SNAPC3: variants seen among roughly 807,000 people sequenced by gnomAD.
SNAPC3 encodes the protein small nuclear RNA activating complex polypeptide 3.
A neutral mutation model predicts 47.7 loss-of-function variants in SNAPC3; 56 were observed. The observed-to-expected ratio is 1.18, with a 90% CI of 0.95 to 1.47. The LOEUF (loss-of-function observed/expected upper bound fraction) is 1.47. SNAPC3 is among the 40% of genes most tolerant of loss of function. The pLI, the probability that SNAPC3 is intolerant of heterozygous loss-of-function variation, is 0.00. For synonymous variants in SNAPC3, 235 were observed against 189.9 expected (o/e 1.24, Z -1.95); for missense variants, 665 against 511.3 (o/e 1.30, Z -2.90).
intron 3 of SNAPC3, among the ~76,000 whole-genome samples, chr9:15,442,445 C>T (rs141374385): frequency 0.038 from 5,761 of 151,560 alleles, 375 homozygotes; most frequent in African/African-American, 0.13. Flanking sequence ...GGCCTCCTCA[C>T]TTCTCAGACG....
At chr9:15,449,550 TA>T (rs2034210811) in intron 5 of SNAPC3, among the ~76,000 whole-genome samples, 5 of 35,684 alleles carry the variant, frequency 1.4e-4, no homozygotes, top group East Asian at 7.0e-4. Context: ...TATATATATA[TA>T]TATATATATA....
At position 15,460,795 on chromosome 9, in the gene SNAPC3, A is replaced by G. The variant is rs1163884899; in HGVS notation, c.*929A>G. 1 of 152,256 alleles carries G rather than the reference A, an allele frequency of 6.6e-6. No homozygotes were observed. Among genetic ancestry groups the G allele is most frequent in the Admixed American group, 6.5e-5 (1 of 15,290 alleles). The allele number at this position is 152,256 out of a possible 1,614,324, so 9.4% of individuals were successfully genotyped here. ...GTTAATAAGACTATGTGAATAATGA[A>G]TTTAAAAAGATCTTGAGTATATACT... On this transcript the variant is annotated 3_prime_UTR_variant, in exon 9 of 9. Coordinates refer to ENST00000380821, the MANE Select transcript of SNAPC3 (RefSeq NM_001039697.2).
intron 5 of SNAPC3, among the ~76,000 whole-genome samples, chr9:15,450,422 C>T (rs2034301272): frequency 6.6e-6 from 1 of 152,160 alleles, no homozygotes; most frequent in African/African-American, 2.4e-5. Flanking sequence ...AACATATCTC[C>T]TATACATAAA....
chr9:15,459,603 A>T (rs998330460), intron 8 of SNAPC3, 116 bp from the exon 9 acceptor site: 2 of 795,568 alleles, frequency 2.5e-6, no homozygotes, highest in African/African-American at 3.4e-5. Context: ...TTATGCATTA[A>T]TAACAGACTG....
intron 7 of SNAPC3, among the ~76,000 whole-genome samples, chr9:15,456,315 C>T (rs1241853854): frequency 7.3e-5 from 11 of 151,698 alleles, no homozygotes; most frequent in Admixed American, 1.3e-4. Context: ...TGGCCTTTTC[C>T]GTACATTTCT....
Position 15,453,096 on chromosome 9 carries a change from G to A in SNAPC3, c.871G>A (p.Ala291Thr), listed in dbSNP as rs1182179547. 1.2e-6 allele frequency: 2 copies of A among 1,613,356 alleles called. No homozygotes were observed. The highest frequency in any genetic ancestry group is 1.7e-6 in the Non-Finnish European group (2 of 1,179,406). ...TAGAGGCTATGGAAAGTTTCAGACT[G>A]CTAGAATGGAAGATTTCACCTTCAA... Reference protein sequence around the residue: ...HDRGYGKFQTARMEDFTFNDL... With the variant: ...HDRGYGKFQTTRMEDFTFNDL... Residue 291 changes from alanine (A) to threonine (T), a missense_variant, in exon 7 of 9, where the codon GCT becomes ACT. Physicochemically the swap from Ala to Thr is moderately conservative, Grantham distance 58 (BLOSUM62 0). Coordinates refer to ENST00000380821, the MANE Select transcript of SNAPC3 (RefSeq NM_001039697.2).
intron 7 of SNAPC3, among the ~76,000 whole-genome samples, chr9:15,456,470 C>T (rs1342071386): frequency 6.8e-6 from 1 of 147,336 alleles, no homozygotes; most frequent in African/African-American, 2.5e-5. Flanking sequence ...ACAATTTACA[C>T]TTTTTTTTTT....
Position 15,442,676 on chromosome 9 carries a change from C to A in SNAPC3, c.478-1926C>A, listed in dbSNP as rs1283077217. On this transcript the variant is annotated intron_variant, in intron 3 of 8. Coordinates refer to ENST00000380821, the MANE Select transcript of SNAPC3 (RefSeq NM_001039697.2). Reference sequence around the variant, plus strand: ...ATGGCGGCCAGGAAGAGACGCTCCGCACTTCCCAGACTGGGCAGCCAGGCA... The same window carrying A: ...ATGGCGGCCAGGAAGAGACGCTCCGAACTTCCCAGACTGGGCAGCCAGGCA... Among the ~76,000 whole-genome samples the A allele has an allele frequency of 3.9e-5, 6 of 152,188 alleles. No individual in the cohort carries two copies. In the East Asian group the frequency reaches 9.7e-4, roughly 25 times the overall value.
At chr9:15,430,200 A>C (rs972285507) in intron 2 of SNAPC3, among the ~76,000 whole-genome samples, 2 of 152,182 alleles carry the variant, frequency 1.3e-5, no homozygotes, top group African/African-American at 4.8e-5. Flanking sequence ...GGAGGCCAAG[A>C]TGGAAGGATT....
At chr9:15,441,710 G>A (rs1227023554) in intron 3 of SNAPC3, among the ~76,000 whole-genome samples, 2 of 152,036 alleles carry the variant, frequency 1.3e-5, no homozygotes, top group African/African-American at 4.8e-5. Flanking sequence ...AGGGGGTTGG[G>A]GGTAAGGTTA....
At chr9:15,465,435 A>G (rs2035551204), downstream of SNAPC3, 1 of 1,236,632 alleles carries the variant, frequency 8.1e-7, no homozygotes, top group African/African-American at 1.5e-5. Context: ...CTATGCTTAT[A>G]AAAATTTAAA....
intron 3 of SNAPC3, among the ~76,000 whole-genome samples, chr9:15,441,554 G>GT (rs1042491275): frequency 3.3e-5 from 5 of 151,820 alleles, no homozygotes; most frequent in African/African-American, 1.2e-4. Context: ...CTTCTGCAGT[G>GT]TTTGTGTCCC....
intron 1 of SNAPC3, 23 bp from the exon 2 acceptor site, chr9:15,423,886 A>G: frequency 6.8e-7 from 1 of 1,471,438 alleles, no homozygotes; most frequent in Non-Finnish European, 9.2e-7. Flanking sequence ...ACCTTAAAGT[A>G]TTGCTTTTCC....
rs1194352321 is a variant in SNAPC3, at chr9:15,461,190, T to C, written c.*1324T>C. On this transcript the variant is annotated 3_prime_UTR_variant, in exon 9 of 9. Transcript: ENST00000380821. ...AAACTTATTTTTTGACATAGGGTCT[T>C]ACTGTGTCACCCAGGCTGGAGTACA... 6.6e-6 allele frequency: 1 copy of C among 151,994 alleles called. No individual in the cohort carries two copies. The highest frequency in any genetic ancestry group is 1.5e-5 in the Non-Finnish European group (1 of 68,012). The allele number at this position is 151,994 out of a possible 1,614,324, so 9.4% of individuals were successfully genotyped here.
At chr9:15,455,012 C>T (rs1362083367) in intron 7 of SNAPC3, among the ~76,000 whole-genome samples, 17 of 152,132 alleles carry the variant, frequency 1.1e-4, no homozygotes, top group Admixed American at 2.0e-4. Context: ...AACAAAATGT[C>T]GTCCAACAGA....
chr9:15,457,576 C>G (rs887976363), intron 7 of SNAPC3, among the ~76,000 whole-genome samples: 2 of 152,106 alleles, frequency 1.3e-5, no homozygotes, highest in African/African-American at 4.8e-5. Context: ...GCCTGGGTAA[C>G]AGAGTAAGAC....
At chr9:15,463,523 T>C (rs1563859473), downstream of SNAPC3, 1 of 88,570 alleles carries the variant, frequency 1.1e-5, no homozygotes, top group Non-Finnish European at 2.5e-5. Flanking sequence ...TGGGGTGGGG[T>C]GGGGGTTATC....
rs1308452061 is a variant in SNAPC3 at position 15,460,342 on chromosome 9, A to C, written c.*476A>C. 2 of 152,348 alleles carry C rather than the reference A, an allele frequency of 1.3e-5. No individual in the cohort carries two copies. Among genetic ancestry groups the C allele is most frequent in the African/African-American group, 4.8e-5 (2 of 41,478 alleles). 9.4% of individuals were successfully genotyped at this position (152,348 alleles called of 1,614,324 possible). On this transcript the variant is annotated 3_prime_UTR_variant, in exon 9 of 9. Transcript: ENST00000380821. ...AAGATCCTTCAAATAACTGTAATGG[A>C]AACTAGGGAGAATGAATTATTTACA... is the stretch of plus-strand genomic sequence containing the variant.
intron 3 of SNAPC3, among the ~76,000 whole-genome samples, chr9:15,440,253 G>C (rs565300759): frequency 6.6e-6 from 1 of 152,166 alleles, no homozygotes; most frequent in Admixed American, 6.5e-5. Flanking sequence ...ATTTACCTGT[G>C]TTGTTCCCTT....
Sources: allele counts gnomAD v4.1 joint callset (sites outside exome capture counted in the v4.1 genomes callset), GRCh38; gene constraint gnomAD v4.1.1; transcripts MANE v1.5; gene names NCBI Gene and HGNC (gene_info 2026-07-23, HGNC 2026-07-21).